LRRC4C: variants seen among roughly 807,000 people sequenced by gnomAD.
LRRC4C encodes leucine rich repeat containing 4C, also known as leucine-rich repeat-containing protein 4C.
A neutral mutation model predicts 33.6 loss-of-function variants in LRRC4C; 5 were observed. The ratio of observed to expected loss-of-function variants is 0.15; its 90% CI spans 0.08 to 0.31. The LOEUF (loss-of-function observed/expected upper bound fraction) is 0.31, where lower values mean the gene tolerates loss of function less well. Ranked by LOEUF, LRRC4C falls within the 10% of genes least tolerant of loss-of-function variation. The pLI is 1.00. For synonymous variants in LRRC4C, 329 were observed against 302.0 expected (o/e 1.09, Z -0.93); for missense variants, 560 against 796.7 (o/e 0.70, Z 3.58).
chr11:41,162,860 T>C (rs1417186908), intron 1 of LRRC4C, among the ~76,000 whole-genome samples: 1 of 152,172 alleles, frequency 6.6e-6, no homozygotes, highest in African/African-American at 2.4e-5. Context: ...AGCTACACAA[T>C]ATTAATTGAA....
At chr11:40,815,702 T>C (rs1414312484) in intron 2 of LRRC4C, among the ~76,000 whole-genome samples, 1 of 152,192 alleles carries the variant, frequency 6.6e-6, no homozygotes, top group Non-Finnish European at 1.5e-5. Flanking sequence ...CTGTTGTTAC[T>C]GTTCTGTCAA....
At chr11:41,168,557 CA>C (rs1944831672) in intron 1 of LRRC4C, among the ~76,000 whole-genome samples, 2 of 151,998 alleles carry the variant, frequency 1.3e-5, no homozygotes, top group African/African-American at 4.8e-5. Context: ...CCTCATCAAC[CA>C]AACAATTCAT....
chr11:40,599,098 C>T (rs992127266), intron 3 of LRRC4C, among the ~76,000 whole-genome samples: 9 of 152,044 alleles, frequency 5.9e-5, no homozygotes, highest in Admixed American at 5.9e-4. Context: ...TTCCCTTCCC[C>T]ACCCATAGAT....
At chr11:40,533,525 C>T (rs542941738) in intron 3 of LRRC4C, among the ~76,000 whole-genome samples, 6 of 152,168 alleles carry the variant, frequency 3.9e-5, no homozygotes, top group East Asian at 3.9e-4. Context: ...GTCACCCTCC[C>T]GGAGCATTGT....
At chr11:40,207,919 T>A (rs748071609) in intron 5 of LRRC4C, among the ~76,000 whole-genome samples, 1 of 152,138 alleles carries the variant, frequency 6.6e-6, no homozygotes, top group Non-Finnish European at 1.5e-5. Flanking sequence ...AGAGCCTCAA[T>A]GGAGCACTCT....
intron 2 of LRRC4C, among the ~76,000 whole-genome samples, chr11:40,657,581 T>C (rs1943195376): frequency 6.6e-6 from 1 of 152,236 alleles, no homozygotes; most frequent in Non-Finnish European, 1.5e-5. Context: ...ATGCAGCCTT[T>C]GTCTCTCACC....
At chr11:40,576,668 C>T (rs796510159) in intron 3 of LRRC4C, among the ~76,000 whole-genome samples, 16 of 152,262 alleles carry the variant, frequency 1.1e-4, no homozygotes, top group Non-Finnish European at 1.5e-4. Context: ...TCTTTCCCTA[C>T]GTTGGTAGCA....
chr11:41,065,606 G>A (rs554352926), intron 1 of LRRC4C, among the ~76,000 whole-genome samples: 3 of 152,294 alleles, frequency 2.0e-5, no homozygotes, highest in African/African-American at 7.2e-5. Context: ...CTGACCCCAT[G>A]CCTCCTGACA....
intron 1 of LRRC4C, among the ~76,000 whole-genome samples, chr11:41,102,946 G>T (rs1449928806): frequency 6.6e-6 from 1 of 151,728 alleles, no homozygotes; most frequent in East Asian, 1.9e-4. Context: ...CTGGAAATCT[G>T]CAGAATTATA....
chr11:40,254,023 T>C (rs1238029355), intron 4 of LRRC4C, among the ~76,000 whole-genome samples: 1 of 152,154 alleles, frequency 6.6e-6, no homozygotes, highest in African/African-American at 2.4e-5. Context: ...CTGTAGATCT[T>C]ATATTTAAAG....
chr11:40,580,058 GGTGTGTGTGTGT>G (rs72110597), intron 3 of LRRC4C, among the ~76,000 whole-genome samples: 2 of 145,438 alleles, frequency 1.4e-5, no homozygotes, highest in Non-Finnish European at 3.0e-5. Flanking sequence ...GTACTTTTCA[GGTGTGTGTGTGT>G]GTGTGTGTGT....
intron 2 of LRRC4C, among the ~76,000 whole-genome samples, chr11:40,884,001 C>T (rs1175497702): frequency 1.3e-5 from 2 of 151,470 alleles, no homozygotes; most frequent in Non-Finnish European, 2.9e-5. Context: ...ACCTATCAAC[C>T]CATCATCTAG....
At chr11:40,264,446 C>G (rs1942096036) in intron 4 of LRRC4C, among the ~76,000 whole-genome samples, 1 of 152,128 alleles carries the variant, frequency 6.6e-6, no homozygotes. Flanking sequence ...ACTTCTGACT[C>G]ACTCTAGTCA....
intron 3 of LRRC4C, among the ~76,000 whole-genome samples, chr11:40,391,073 G>A (rs910623389): frequency 7.9e-5 from 12 of 151,896 alleles, no homozygotes; most frequent in African/African-American, 2.9e-4. Context: ...GTATAGATGG[G>A]GTTTCACCAG....
intron 2 of LRRC4C, among the ~76,000 whole-genome samples, chr11:40,727,690 A>C (rs1947351690): frequency 6.6e-6 from 1 of 152,178 alleles, no homozygotes; most frequent in Non-Finnish European, 1.5e-5. Context: ...CCTATAAGGC[A>C]CTTAAACAAA....
chr11:40,162,556 T>C (rs1377203376), intron 5 of LRRC4C, among the ~76,000 whole-genome samples: 2 of 152,138 alleles, frequency 1.3e-5, no homozygotes, highest in African/African-American at 2.4e-5. Flanking sequence ...TTCACTTGTA[T>C]AGTACTCTCC....
chr11:40,290,471 G>T (rs1183734212), intron 4 of LRRC4C, among the ~76,000 whole-genome samples: 3 of 152,206 alleles, frequency 2.0e-5, no homozygotes, highest in Non-Finnish European at 2.9e-5. Context: ...TCAGCTGTAG[G>T]CTAGTTTAGT....
chr11:40,352,268 A>G (rs1407258362), intron 3 of LRRC4C, among the ~76,000 whole-genome samples: 1 of 149,654 alleles, frequency 6.7e-6, no homozygotes. Flanking sequence ...TAGGTTTTTT[A>G]AATTTGATGT....
At chr11:40,871,096 T>A (rs902498800) in intron 2 of LRRC4C, among the ~76,000 whole-genome samples, 1 of 152,048 alleles carries the variant, frequency 6.6e-6, no homozygotes, top group Non-Finnish European at 1.5e-5. Context: ...ATGAGGAAAT[T>A]CCCGCCTAAT....
Sources: gnomAD v4.1 joint callset for allele counts (sites outside exome capture counted in the v4.1 genomes callset) on GRCh38, gnomAD v4.1.1 for gene constraint, MANE v1.5 for transcripts, NCBI Gene and HGNC (gene_info 2026-07-23, HGNC 2026-07-21) for gene names.